The following BRF1 variants were observed in gnomAD, a reference collection of about 807,000 sequenced individuals.
The protein encoded by BRF1 is BRF1 general transcription factor IIIB subunit, also known as transcription factor IIIB 90 kDa subunit.
BRF1 carries 59 observed loss-of-function variants against 81.7 expected under a neutral mutation model. The observed-to-expected ratio is 0.72, with a 90% CI of 0.59 to 0.90. The LOEUF is 0.90. Ranked by LOEUF, BRF1 falls within the 40% of genes least tolerant of loss-of-function variation. The probability of loss-of-function intolerance (pLI) is 0.00; values close to 1 mark genes in which losing one functional copy is unlikely to be tolerated. For synonymous variants in BRF1, 491 were observed against 395.6 expected (o/e 1.24, Z -2.86); for missense variants, 1,050 against 936.3 (o/e 1.12, Z -1.58).
chr14:105,218,969 A>C (rs933361105), intron 14 of BRF1, 29 bp downstream of exon 14: 8 of 1,613,402 alleles, frequency 5.0e-6, no homozygotes, highest in South Asian at 1.1e-5. Flanking sequence ...ACCCCCAAGA[A>C]GGCCAGGCCC....
At chr14:105,229,681 C>T (rs1355074511) in intron 6 of BRF1, among the ~76,000 whole-genome samples, 10 of 148,188 alleles carry the variant, frequency 6.7e-5, no homozygotes, top group East Asian at 2.0e-4. Context: ...CCCTCAGGAG[C>T]AACAACCTAG....
In BRF1 at chr14:105,265,054, G is replaced by GTTTTTTTTTTTTTTTTTTTTTTTT. The variant is rs587673120; in HGVS notation, c.439+7666_439+7667insAAAAAAAAAAAAAAAAAAAAAAAA. Among the ~76,000 whole-genome samples the GTTTTTTTTTTTTTTTTTTTTTTTT allele has an allele frequency of 3.8e-5, 5 of 130,110 alleles. 1 individual carries two copies. Among genetic ancestry groups the GTTTTTTTTTTTTTTTTTTTTTTTT allele is most frequent in the African/African-American group, 3.0e-5 (1 of 33,756 alleles). 85.4% of individuals were successfully genotyped at this position (130,110 alleles called of 152,430 possible). A position where few individuals can be genotyped will look rare whatever the true frequency, so the allele number is the denominator to read the frequency against. ...ATAAGTTCTACTTATCCTTTTTTTT[G>GTTTTTTTTTTTTTTTTTTTTTTTT]TTTTTTTTTTGTTTGTTTGTTTTTT... is the stretch of plus-strand genomic sequence containing the variant. On this transcript the variant is annotated intron_variant, in intron 3 of 17. Coordinates refer to ENST00000547530, the MANE Select transcript of BRF1 (RefSeq NM_001519.4).
intron 7 of BRF1, chr14:105,227,582 G>C (rs1350357327): frequency 6.6e-6 from 1 of 152,344 alleles, no homozygotes; most frequent in African/African-American, 2.4e-5. Flanking sequence ...CTCACTAGGA[G>C]AAAGGCCCAC....
intron 15 of BRF1, among the ~76,000 whole-genome samples, chr14:105,213,938 G>A (rs1289845563): frequency 6.6e-6 from 1 of 152,238 alleles, no homozygotes; most frequent in African/African-American, 2.4e-5. Context: ...GGCCACACGG[G>A]AGGGCCTGAG....
intron 5 of BRF1, chr14:105,249,523 C>T (rs2055448831): frequency 3.1e-6 from 5 of 1,606,120 alleles, no homozygotes; most frequent in Non-Finnish European, 4.3e-6. Context: ...CCGTTTTAGG[C>T]GGCCTCCGGA....
Position 105,217,735 on chromosome 14 carries a change from C to G in BRF1, c.1581G>C (p.Lys527Asn). The change falls in exon 15 of 18, where the codon AAG (lysine) becomes AAC (asparagine). Residue 527 changes from lysine to asparagine, a missense_variant. Transcript: ENST00000547530. ...QASTAREAIE[K>N]MLEQKKISSK... ...TGGAGATCTTCTTCTGCTCCAGCAT[C>G]TTCTCGATGGCCTCCCTGGCGGTAC... The G allele has an allele frequency of 6.2e-7, 1 of 1,613,482 alleles. No individual in the cohort carries two copies.
At chr14:105,218,104 A>G (rs1038188002) in intron 14 of BRF1, among the ~76,000 whole-genome samples, 2 of 152,098 alleles carry the variant, frequency 1.3e-5, no homozygotes, top group African/African-American at 2.4e-5. Flanking sequence ...CCTGGGTCCC[A>G]CACAGGGCAG....
chr14:105,270,174 CT>C (rs56662868), intron 3 of BRF1, among the ~76,000 whole-genome samples: 106,505 of 115,388 alleles, frequency 0.92, 48,911 homozygotes, highest in Middle Eastern at 0.96. Flanking sequence ...GTTGAAAGGA[CT>C]TTTTTTTTTT....
chr14:105,308,481 C>A (rs994897858), intron 1 of BRF1, among the ~76,000 whole-genome samples: 1 of 124,590 alleles, frequency 8.0e-6, no homozygotes, highest in Admixed American at 8.0e-5. Context: ...CAGATTCTGT[C>A]TTTTTTTTTT....
At chr14:105,228,789 GGT>G in intron 7 of BRF1, 29 bp downstream of exon 7, 1 of 1,611,028 alleles carries the variant, frequency 6.2e-7, no homozygotes, top group Non-Finnish European at 8.5e-7. Context: ...GCCTCTGTGT[GGT>G]CCCCATGCCA....
At chr14:105,240,931 A>T (rs2054553588) in intron 6 of BRF1, among the ~76,000 whole-genome samples, 1 of 152,086 alleles carries the variant, frequency 6.6e-6, no homozygotes, top group Admixed American at 6.5e-5. Flanking sequence ...GAGAGAGGCC[A>T]CACCACTGTC....
At chr14:105,214,853 C>T (rs1232241799) in intron 15 of BRF1, among the ~76,000 whole-genome samples, 3 of 152,174 alleles carry the variant, frequency 2.0e-5, no homozygotes, top group African/African-American at 7.2e-5. Context: ...GCCTCAGCCT[C>T]TTTCCAAGTG....
chr14:105,312,570 C>T (rs1265946953), intron 1 of BRF1, among the ~76,000 whole-genome samples: 2 of 152,236 alleles, frequency 1.3e-5, no homozygotes, highest in Admixed American at 6.5e-5. Context: ...AGGGCTCACA[C>T]CATGCCAGGG....
rs922265599 is a variant in BRF1, at chr14:105,284,279, C to T, written c.265+2017G>A. ...ACACCGGCAGTCAGGAAGAAAGGCG[C>T]TGACTATACTCCTCTACTAGTAAGT... On this transcript the variant is annotated intron_variant, in intron 2 of 17. Coordinates refer to ENST00000547530, the MANE Select transcript of BRF1 (RefSeq NM_001519.4). The surrounding 1 kb of genome is among the most constrained non-coding windows in gnomAD (Gnocchi z 4.0). Among the ~76,000 whole-genome samples the T allele has an allele frequency of 6.6e-6, 1 of 152,140 alleles. No homozygotes were observed. The highest frequency in any genetic ancestry group is 2.4e-5 in the African/African-American group (1 of 41,442).
chr14:105,257,834 GA>G (rs1213580760), intron 3 of BRF1, among the ~76,000 whole-genome samples: 1 of 151,742 alleles, frequency 6.6e-6, no homozygotes, highest in African/African-American at 2.4e-5. Flanking sequence ...ACACCTTCCG[GA>G]AAAGGCAAAA....
chr14:105,301,696 C>T (rs946329122), upstream of BRF1, among the ~76,000 whole-genome samples: 1 of 152,254 alleles, frequency 6.6e-6, no homozygotes, highest in Non-Finnish European at 1.5e-5. Context: ...TTCTAGCAGT[C>T]ATTCGTGGCC....
intron 15 of BRF1, among the ~76,000 whole-genome samples, chr14:105,213,589 G>A (rs939311811): frequency 1.1e-4 from 16 of 152,044 alleles, no homozygotes; most frequent in Admixed American, 2.6e-4. Context: ...CAGGGAGAGC[G>A]GTGCTGTTAG....
chr14:105,219,909 G>C, intron 12 of BRF1, 160 bp downstream of exon 12: 7 of 743,500 alleles, frequency 9.4e-6, no homozygotes, highest in South Asian at 1.8e-5. Flanking sequence ...TGTGGGGGGG[G>C]GTCCCGGGAA....
intron 5 of BRF1, chr14:105,251,082 C>A: frequency 4.8e-6 from 1 of 210,240 alleles, no homozygotes; most frequent in Non-Finnish European, 1.1e-5. Flanking sequence ...ATAAAGGTTG[C>A]CTAAAATAAC....
Sources: allele counts gnomAD v4.1 joint callset (sites outside exome capture counted in the v4.1 genomes callset), GRCh38; gene constraint gnomAD v4.1.1; non-coding constraint Gnocchi (gnomAD v3.1); transcripts MANE v1.5; gene names NCBI Gene and HGNC (gene_info 2026-07-23, HGNC 2026-07-21).